Variants in ATP11B observed in about 807,000 individuals in gnomAD.
ATP11B encodes the protein phospholipid-transporting ATPase IF.
ATP11B carries 81 observed loss-of-function variants against 157.8 expected under a neutral mutation model. That is an observed-to-expected ratio of 0.51 (90% CI 0.43 to 0.62). ATP11B has a LOEUF of 0.62. ATP11B is among the 20% of genes least tolerant of loss of function. The probability of loss-of-function intolerance (pLI) is 0.00; values close to 1 mark genes in which losing one functional copy is unlikely to be tolerated. For missense variants in ATP11B, 1,165 were observed against 1,402.2 expected (o/e 0.83, Z 2.70); for synonymous variants, 451 against 469.4 (o/e 0.96, Z 0.51).
chr3:182,877,593 G>T (rs1034776551), intron 19 of ATP11B, among the ~76,000 whole-genome samples: 1 of 152,128 alleles, frequency 6.6e-6, no homozygotes, highest in Admixed American at 6.5e-5. Context: ...GGTGAGTTGT[G>T]ATCACACCAC....
intron 28 of ATP11B, among the ~76,000 whole-genome samples, chr3:182,903,959 G>T (rs1724152554): frequency 6.6e-6 from 1 of 152,112 alleles, no homozygotes; most frequent in Admixed American, 6.6e-5. Context: ...AAGAATAATG[G>T]AGAAAGGAGA....
In ATP11B at chr3:182,913,888, T is replaced by A; in HGVS notation, c.3346T>A (p.Cys1116Ser). Residue 1116 changes from cysteine (C) to serine (S), a missense_variant, in exon 29 of 30, where the codon TGC (cysteine) becomes AGC (serine). By Grantham distance (112) the Cys-to-Ser change is moderately radical. Transcript: ENST00000323116. ...QLTETNAGIK[C>S]LDSMCCFPEG... ...TACTGAAACAAATGCAGGTATCAAG[T>A]GCTTGGACTCCATGTGCTGTTTCCC... The A allele has an allele frequency of 6.2e-7, 1 of 1,614,166 alleles. No individual in the cohort carries two copies. The highest frequency in any genetic ancestry group is 8.5e-7 in the Non-Finnish European group (1 of 1,179,976).
intron 20 of ATP11B, among the ~76,000 whole-genome samples, 177 bp downstream of exon 20, chr3:182,879,826 A>C (rs546275805): frequency 1.3e-5 from 2 of 152,346 alleles, no homozygotes; most frequent in African/African-American, 4.8e-5. Flanking sequence ...TGGAATTCTC[A>C]GAGTGAGTTT....
At chr3:182,862,272 C>T (rs1349203049) in intron 12 of ATP11B, among the ~76,000 whole-genome samples, 1 of 151,126 alleles carries the variant, frequency 6.6e-6, no homozygotes, top group Admixed American at 6.6e-5. Context: ...AAGAGTGAAA[C>T]CCTGTCTAAA....
intron 28 of ATP11B, among the ~76,000 whole-genome samples, chr3:182,908,935 T>C (rs1403774379): frequency 6.6e-6 from 1 of 152,230 alleles, no homozygotes; most frequent in African/African-American, 2.4e-5. Context: ...TTGAAGGCCA[T>C]GCAAGGTGCT....
intron 29 of ATP11B, chr3:182,917,737 T>C: frequency 1.0e-6 from 1 of 985,132 alleles, no homozygotes; most frequent in South Asian, 4.7e-5. Flanking sequence ...GTTAACACTT[T>C]AAAAGCAGCT....
intron 12 of ATP11B, among the ~76,000 whole-genome samples, chr3:182,862,879 A>C (rs1720949919): frequency 6.6e-6 from 1 of 150,420 alleles, no homozygotes; most frequent in African/African-American, 2.4e-5. Flanking sequence ...AATGTGCTCA[A>C]CCTGTCATGT....
chr3:182,902,704 C>T, intron 28 of ATP11B: 3 of 334,878 alleles, frequency 9.0e-6, no homozygotes, highest in Non-Finnish European at 1.6e-5. Flanking sequence ...ATAATTTGAC[C>T]TTTATTAACA....
intron 13 of ATP11B, 108 bp downstream of exon 13, chr3:182,865,806 C>A: frequency 1.3e-6 from 1 of 797,926 alleles, no homozygotes; most frequent in Non-Finnish European, 2.0e-6. Flanking sequence ...AAGGAATATA[C>A]ATTTGAAATT....
intron 4 of ATP11B, among the ~76,000 whole-genome samples, chr3:182,832,045 T>G (rs1356613262): frequency 1.3e-5 from 2 of 152,162 alleles, no homozygotes; most frequent in East Asian, 3.9e-4. Flanking sequence ...TATTTCCCAA[T>G]GTATATTTGG....
chr3:182,913,040 G>A (rs908893254), intron 28 of ATP11B, among the ~76,000 whole-genome samples: 1 of 152,072 alleles, frequency 6.6e-6, no homozygotes, highest in Non-Finnish European at 1.5e-5. Flanking sequence ...TGTTAGTCGT[G>A]TGGAATAAAA....
rs1160369101 is a variant in ATP11B at position 182,799,036 on chromosome 3, A to C, written c.27+5250A>C. Reference sequence around the variant, plus strand: ...ATGCCTGGCATAGGCAGATTCAAGAAAGTTTTTGATTCTAAGGACTTTATG... The same window carrying C: ...ATGCCTGGCATAGGCAGATTCAAGACAGTTTTTGATTCTAAGGACTTTATG... On this transcript the variant is annotated intron_variant, in intron 1 of 29. Transcript: ENST00000323116. Among the ~76,000 whole-genome samples, 5 of 152,200 alleles carry C rather than the reference A, an allele frequency of 3.3e-5. No homozygotes were observed. The East Asian group carries it at 7.7e-4, about 23-fold the overall frequency.
chr3:182,910,071 C>CAAAAAAAAAAAAAAAAAAAAAAAAAAAA, intron 28 of ATP11B, among the ~76,000 whole-genome samples: 1 of 72,302 alleles, frequency 1.4e-5, no homozygotes, highest in Non-Finnish European at 2.6e-5. Context: ...ACTCGGCCTC[C>CAAAAAAAAAAAAAAAAAAAAAAAAAAAA]AGAAAAAAAA....
At chr3:182,820,868 C>T (rs1576969490) in intron 2 of ATP11B, among the ~76,000 whole-genome samples, 1 of 152,114 alleles carries the variant, frequency 6.6e-6, no homozygotes, top group East Asian at 1.9e-4. Flanking sequence ...AAAAAATTAT[C>T]TTTAGTTGCT....
chr3:182,852,015 T>C (rs1380994017), intron 10 of ATP11B, among the ~76,000 whole-genome samples: 1 of 152,194 alleles, frequency 6.6e-6, no homozygotes, highest in African/African-American at 2.4e-5. Flanking sequence ...ACATGGAAAG[T>C]TCATCTAGAC....
intron 22 of ATP11B, among the ~76,000 whole-genome samples, chr3:182,885,597 G>A (rs1162512987): frequency 6.6e-6 from 1 of 152,082 alleles, no homozygotes; most frequent in African/African-American, 2.4e-5. Context: ...ACATTTTTGT[G>A]TTGTAAAGAT....
At chr3:182,813,072 AT>A (rs1252352295) in intron 1 of ATP11B, among the ~76,000 whole-genome samples, 2 of 152,210 alleles carry the variant, frequency 1.3e-5, no homozygotes, top group African/African-American at 2.4e-5. Context: ...GCTGTATAAT[AT>A]TTCATTGCCT....
rs530384899 is a variant in ATP11B at position 182,861,546 on chromosome 3, C to A, written c.1200+2187C>A. ...TGTGAAGTGTGAAAGGGAAGGTTAT[C>A]TGAAATCAGAGGGAAGGTTGTAATA... On this transcript the variant is annotated intron_variant, in intron 12 of 29. Coordinates refer to ENST00000323116, the MANE Select transcript of ATP11B (RefSeq NM_014616.3). 3.3e-5 allele frequency among the ~76,000 whole-genome samples: 5 copies of A among 152,274 alleles called. No individual in the cohort carries two copies. In the South Asian group the frequency reaches 1.0e-3, roughly 32 times the overall value.
chr3:182,793,591 G>A lies in ATP11B; in HGVS notation c.-169G>A. 2.6e-6 allele frequency: 1 copy of A among 388,624 alleles called. No individual in the cohort carries two copies. Among genetic ancestry groups the A allele is most frequent in the South Asian group, 9.4e-5 (1 of 10,638 alleles). 24.1% of individuals were successfully genotyped at this position (388,624 alleles called of 1,614,324 possible). On this transcript the variant is annotated 5_prime_UTR_variant, in exon 1 of 30. Transcript: ENST00000323116. ...GGCCGCGCCTGTAGGACTCGGGGCC[G>A]ACGCCGCGGGATGGGGACGCGGCGC...
Sources: allele counts gnomAD v4.1 joint callset (sites outside exome capture counted in the v4.1 genomes callset), GRCh38; gene constraint gnomAD v4.1.1; transcripts MANE v1.5; gene names NCBI Gene and HGNC (gene_info 2026-07-23, HGNC 2026-07-21).